The following ZNF827 variants were observed in gnomAD, a reference collection of about 807,000 sequenced individuals.
ZNF827 encodes the protein zinc finger protein 827.
A neutral mutation model predicts 102.4 loss-of-function variants in ZNF827; 13 were observed. The ratio of observed to expected loss-of-function variants is 0.13; its 90% confidence interval spans 0.08 to 0.20. ZNF827 has a LOEUF of 0.20. ZNF827 is among the 10% of genes least tolerant of loss of function. The pLI is 1.00. For synonymous variants in ZNF827, 523 were observed against 536.2 expected (o/e 0.98, Z 0.34); for missense variants, 1,103 against 1,344.4 (o/e 0.82, Z 2.81).
chr4:145,802,684 G>A (rs1741029491), intron 8 of ZNF827, among the ~76,000 whole-genome samples: 3 of 152,240 alleles, frequency 2.0e-5, no homozygotes, highest in Non-Finnish European at 2.9e-5. Flanking sequence ...TAAGTTGGGC[G>A]CAGTGGCTCA....
intron 2 of ZNF827, among the ~76,000 whole-genome samples, chr4:145,895,363 C>A (rs530812320): frequency 6.6e-6 from 1 of 152,294 alleles, no homozygotes; most frequent in South Asian, 2.1e-4. Context: ...TTACATTTAA[C>A]CCTGCATATT....
chr4:145,849,366 T>C lies in ZNF827; in HGVS notation c.2177A>G (p.Asp726Gly), dbSNP rs750710303. The change falls in exon 6 of 15, where the codon GAT becomes GGT. Residue 726 changes from aspartate to glycine, a missense_variant. This residue lies in a region of ZNF827 where 243 missense variants were observed against 251.6 expected (regional missense o/e 0.97). Coordinates refer to ENST00000508784, the MANE Select transcript of ZNF827 (RefSeq NM_001306215.2). ...CTCGGAAGCCATTTTCACAGAGATATCCTGACTGAAGAGGTTTCTCTCTGG... is the reference window on the plus strand; with the variant it reads ...CTCGGAAGCCATTTTCACAGAGATACCCTGACTGAAGAGGTTTCTCTCTGG... ...VPPERNLFSQ[D>G]ISVKMASELL... 6.2e-7 allele frequency: 1 copy of C among 1,614,104 alleles called. No individual in the cohort carries two copies. Among genetic ancestry groups the C allele is most frequent in the East Asian group, 2.2e-5 (1 of 44,874 alleles).
intron 7 of ZNF827, chr4:145,835,131 A>G (rs4835019): frequency 0.19 from 29,250 of 152,128 alleles, 3,931 homozygotes; most frequent in East Asian, 0.64. Context: ...CAACTCACCT[A>G]GCAGCCACTC....
Position 145,827,032 on chromosome 4 carries a change from C to T in ZNF827, c.2280-3507G>A, listed in dbSNP as rs1394775251. On this transcript the variant is annotated intron_variant, in intron 7 of 14. Coordinates refer to ENST00000508784, the MANE Select transcript of ZNF827 (RefSeq NM_001306215.2). ...AAAGTGCTGGGATTACAGGCATGAG[C>T]CACCACGCCCTGCCAACCACTGTGG... Among the ~76,000 whole-genome samples, 5 of 152,090 alleles carry T rather than the reference C, an allele frequency of 3.3e-5. No individual in the cohort carries two copies. The East Asian group carries it at 9.7e-4, about 29-fold the overall frequency.
intron 8 of ZNF827, among the ~76,000 whole-genome samples, chr4:145,815,102 G>T (rs1742461779): frequency 1.3e-5 from 2 of 152,178 alleles, no homozygotes; most frequent in South Asian, 2.1e-4. Context: ...GGAGAGGAGG[G>T]TTTTAATTCA....
intron 7 of ZNF827, among the ~76,000 whole-genome samples, chr4:145,833,723 G>T (rs1460497918): frequency 7.0e-6 from 1 of 142,326 alleles, no homozygotes; most frequent in Non-Finnish European, 1.5e-5. Context: ...TTATTTCCGT[G>T]CCCCAACCTC....
At chr4:145,918,816 T>C (rs1381474285) in intron 1 of ZNF827, among the ~76,000 whole-genome samples, 1 of 152,202 alleles carries the variant, frequency 6.6e-6, no homozygotes, top group Non-Finnish European at 1.5e-5. Flanking sequence ...GGGTTCCACC[T>C]ATTTTGTTTT....
chr4:145,784,854 T>C (rs1422477017), intron 8 of ZNF827, among the ~76,000 whole-genome samples: 1 of 152,100 alleles, frequency 6.6e-6, no homozygotes, highest in Admixed American at 6.5e-5. Context: ...TGGTAACCTC[T>C]TTTTTTGTAC....
At chr4:145,807,157 C>CTT (rs1741534627) in intron 8 of ZNF827, among the ~76,000 whole-genome samples, 1 of 152,156 alleles carries the variant, frequency 6.6e-6, no homozygotes, top group South Asian at 2.1e-4. Context: ...TCTGGGGAGT[C>CTT]TTTTCCTGAC....
intron 8 of ZNF827, among the ~76,000 whole-genome samples, chr4:145,782,131 G>A (rs892216504): frequency 1.3e-5 from 2 of 152,180 alleles, no homozygotes; most frequent in East Asian, 1.9e-4. Flanking sequence ...TCCAAGCCTC[G>A]TCTAGGAATC....
chr4:145,787,126 C>T (rs1329745007), intron 8 of ZNF827, among the ~76,000 whole-genome samples: 4 of 152,166 alleles, frequency 2.6e-5, no homozygotes, highest in African/African-American at 9.7e-5. Context: ...TTTCTGCTGG[C>T]CAAGGTGTTA....
At chr4:145,925,211 CAT>C (rs967775196) in intron 1 of ZNF827, among the ~76,000 whole-genome samples, 8 of 152,178 alleles carry the variant, frequency 5.3e-5, no homozygotes, top group Non-Finnish European at 7.3e-5. Context: ...CCTGCCATGA[CAT>C]GTGGGAATTA....
At chr4:145,892,727 C>G (rs1198779308) in intron 2 of ZNF827, among the ~76,000 whole-genome samples, 1 of 148,868 alleles carries the variant, frequency 6.7e-6, no homozygotes, top group African/African-American at 2.4e-5. Context: ...CCAGCCTGTC[C>G]TAACTCAGGG....
At chr4:145,781,213 A>G (rs1304834886) in intron 8 of ZNF827, among the ~76,000 whole-genome samples, 52 of 127,504 alleles carry the variant, frequency 4.1e-4, no homozygotes, top group African/African-American at 1.2e-3. Context: ...AAAAAAAAAA[A>G]AAAAGAAAAA....
intron 8 of ZNF827, among the ~76,000 whole-genome samples, chr4:145,814,769 CA>C (rs773438540): frequency 0.29 from 21,248 of 74,404 alleles, 2,389 homozygotes; most frequent in East Asian, 0.64. Flanking sequence ...ACTAAAAATA[CA>C]AAAAAAAAAA....
chr4:145,892,896 A>G (rs562153808), intron 2 of ZNF827, among the ~76,000 whole-genome samples: 1 of 152,262 alleles, frequency 6.6e-6, no homozygotes, highest in Non-Finnish European at 1.5e-5. Flanking sequence ...ACTGCTCCAC[A>G]CTGAAAACCA....
rs1404192071 is a variant in ZNF827 at position 145,761,570 on chromosome 4, G to A, written c.*46C>T. On this transcript the variant is annotated 3_prime_UTR_variant, in exon 15 of 15. Transcript: ENST00000508784. The surrounding 1 kb of genome is among the most constrained non-coding windows in gnomAD (Gnocchi z 6.8). ...AGGTGGCACTCCATGGCAGCGGGGC[G>A]GTTGGTGGAATAAATGCAGAATGGG... The A allele has an allele frequency of 3.6e-5, 46 of 1,274,056 alleles. No individual in the cohort carries two copies. The highest frequency in any genetic ancestry group is 4.7e-5 in the Non-Finnish European group (46 of 977,862). 78.9% of individuals were successfully genotyped at this position (1,274,056 alleles called of 1,614,324 possible). A position where few individuals can be genotyped will look rare whatever the true frequency, so the allele number is the denominator to read the frequency against.
intron 1 of ZNF827, among the ~76,000 whole-genome samples, chr4:145,931,464 A>AT (rs1753802396): frequency 6.6e-6 from 1 of 152,188 alleles, no homozygotes; most frequent in Non-Finnish European, 1.5e-5. Context: ...CCTGGCCTGG[A>AT]TTTTTTTCCA....
At chr4:145,826,954 C>T (rs114219567) in intron 7 of ZNF827, among the ~76,000 whole-genome samples, 224 of 152,070 alleles carry the variant, frequency 1.5e-3, no homozygotes, top group African/African-American at 4.8e-3. Flanking sequence ...GCCTTGTTGG[C>T]CAGGCTGGTC....
Sources: gnomAD v4.1 joint callset for allele counts (sites outside exome capture counted in the v4.1 genomes callset) on GRCh38, gnomAD v4.1.1 for gene constraint, gnomAD v4.1.1 regional missense constraint, Gnocchi (gnomAD v3.1) non-coding constraint, MANE v1.5 for transcripts, NCBI Gene and HGNC (gene_info 2026-07-23, HGNC 2026-07-21) for gene names.